C3orf49: variants seen among roughly 807,000 people sequenced by gnomAD.
The protein encoded by C3orf49 is putative uncharacterized protein C3orf49.
Under a neutral mutation model 13.3 loss-of-function variants are expected in C3orf49, and 27 were observed. That is an observed-to-expected ratio of 2.02 (90% CI 1.49 to 2.79). The LOEUF is 2.79. Among genes scored for constraint, C3orf49 ranks in the 30% most tolerant of loss-of-function variants. The probability of loss-of-function intolerance (pLI) is 0.00; values close to 1 mark genes in which losing one functional copy is unlikely to be tolerated. For missense variants in C3orf49, 242 were observed against 134.2 expected, an observed-to-expected ratio of 1.80 and a Z score of -3.97; for synonymous variants, 87 against 47.6, an observed-to-expected ratio of 1.83 and a Z score of -3.40.
upstream of C3orf49, among the ~76,000 whole-genome samples, chr3:63,818,822 T>C (rs1701354388): frequency 6.6e-6 from 1 of 152,200 alleles, no homozygotes. Context: ...GATCAGGTCC[T>C]CAATTTAGCA....
At chr3:63,798,582 C>G in the C3orf49 span, among the ~76,000 whole-genome samples, 1 of 151,938 alleles carries the variant, frequency 6.6e-6, no homozygotes, top group Non-Finnish European at 1.5e-5. Flanking sequence ...CATCATCAGG[C>G]CCCAAAACAG....
intron 5 of C3orf49, chr3:63,833,557 T>C (rs1701562902): frequency 6.6e-6 from 1 of 152,266 alleles, no homozygotes; most frequent in Non-Finnish European, 1.5e-5. Flanking sequence ...AGGAGAGATA[T>C]ATAAAGTAAT....
At chr3:63,843,260 A>T (rs1378473693) in intron 5 of C3orf49, among the ~76,000 whole-genome samples, 3 of 152,000 alleles carry the variant, frequency 2.0e-5, no homozygotes, top group Admixed American at 6.5e-5. Context: ...CTGGGATTAC[A>T]GGCATGTGCC....
At position 63,836,887 on chromosome 3, in the gene C3orf49, A is replaced by T. The variant is rs528146783; in HGVS notation, c.849+5043A>T. Among the ~76,000 whole-genome samples, 295 of 152,076 alleles carry T rather than the reference A, an allele frequency of 1.9e-3. 2 individuals are homozygous for T. The highest frequency in any genetic ancestry group is 5.8e-3 in the South Asian group (28 of 4,828). ...CAAGATAAGTCATGTAACTCCTGTT[A>T]AGCTTTCTTATGAAGTGATGAGTGG... On this transcript the variant is annotated intron_variant, in intron 5 of 6. Coordinates refer to ENST00000295896, the MANE Select transcript of C3orf49 (RefSeq NM_001355236.2).
At chr3:63,796,791 A>G in the C3orf49 span, among the ~76,000 whole-genome samples, 1 of 152,236 alleles carries the variant, frequency 6.6e-6, no homozygotes, top group East Asian at 1.9e-4. Context: ...ATCAACTAAA[A>G]GGAGAAATAC....
At chr3:63,785,640 T>TA in the C3orf49 span, among the ~76,000 whole-genome samples, 7 of 152,180 alleles carry the variant, frequency 4.6e-5, no homozygotes, top group African/African-American at 1.7e-4. Flanking sequence ...TTTTTAAAGA[T>TA]ACTGTATTAC....
the C3orf49 span, among the ~76,000 whole-genome samples, chr3:63,812,758 GTGA>G: frequency 6.6e-6 from 1 of 152,086 alleles, no homozygotes; most frequent in Non-Finnish European, 1.5e-5. Context: ...CAAAATTTTT[GTGA>G]TTCATTTCTA....
chr3:63,819,006 G>A (rs1287080684), upstream of C3orf49, among the ~76,000 whole-genome samples: 1 of 152,234 alleles, frequency 6.6e-6, no homozygotes, highest in Non-Finnish European at 1.5e-5. Flanking sequence ...GTGTTAATCA[G>A]CGTATCGTTG....
intron 5 of C3orf49, among the ~76,000 whole-genome samples, chr3:63,834,816 C>T (rs1274104048): frequency 1.3e-5 from 2 of 152,026 alleles, no homozygotes; most frequent in African/African-American, 4.8e-5. Context: ...TGCAAATGTT[C>T]GTATGTACTG....
chr3:63,830,114 C>T (rs1701513836), intron 3 of C3orf49, among the ~76,000 whole-genome samples: 1 of 152,140 alleles, frequency 6.6e-6, no homozygotes, highest in Non-Finnish European at 1.5e-5. Context: ...GGAGCTGCGC[C>T]AGGGTACTGC....
the C3orf49 span, among the ~76,000 whole-genome samples, chr3:63,791,705 C>A: frequency 6.6e-6 from 1 of 152,198 alleles, no homozygotes; most frequent in East Asian, 1.9e-4. Context: ...TAATATTCAC[C>A]ATGAATTGCC....
chr3:63,837,152 A>G (rs1329750634), intron 5 of C3orf49, among the ~76,000 whole-genome samples: 1 of 152,012 alleles, frequency 6.6e-6, no homozygotes, highest in Non-Finnish European at 1.5e-5. Context: ...TCAAAGTATG[A>G]TTCTTTTGGA....
intron 5 of C3orf49, among the ~76,000 whole-genome samples, chr3:63,841,058 C>T (rs1222003869): frequency 6.6e-6 from 1 of 152,284 alleles, no homozygotes; most frequent in South Asian, 2.1e-4. Flanking sequence ...AATGATGAAA[C>T]ATTCACATAA....
chr3:63,796,794 A>C, the C3orf49 span, among the ~76,000 whole-genome samples: 1 of 152,140 alleles, frequency 6.6e-6, no homozygotes, highest in Non-Finnish European at 1.5e-5. Flanking sequence ...AACTAAAAGG[A>C]GAAATACATA....
At chr3:63,817,113 C>T (rs189785239), upstream of C3orf49, among the ~76,000 whole-genome samples, 2 of 152,138 alleles carry the variant, frequency 1.3e-5, no homozygotes, top group East Asian at 3.9e-4. Context: ...GCTTCTTCCA[C>T]CTCCGGGCTT....
At chr3:63,811,578 A>AAC in the C3orf49 span, among the ~76,000 whole-genome samples, 3 of 149,280 alleles carry the variant, frequency 2.0e-5, no homozygotes, top group African/African-American at 7.4e-5. Flanking sequence ...AACAAAACAA[A>AAC]AAAAAAAACA....
At chr3:63,831,039 CTT>C in intron 3 of C3orf49, 69 bp from the exon 4 acceptor site, 1 of 664,780 alleles carries the variant, frequency 1.5e-6, no homozygotes, top group South Asian at 1.7e-5. Context: ...GGTGAGAACT[CTT>C]GTTTAAGCAC....
chr3:63,830,210 G>T (rs887678007), intron 3 of C3orf49, among the ~76,000 whole-genome samples: 6 of 152,168 alleles, frequency 3.9e-5, no homozygotes, highest in Non-Finnish European at 7.3e-5. Flanking sequence ...TACCATAGTT[G>T]TATTCAATAA....
chr3:63,798,871 C>G, the C3orf49 span, among the ~76,000 whole-genome samples: 1 of 151,998 alleles, frequency 6.6e-6, no homozygotes, highest in African/African-American at 2.4e-5. Context: ...AGTGTAGGGC[C>G]GGAACCAGAA....
Sources: gnomAD v4.1 joint callset for allele counts (sites outside exome capture counted in the v4.1 genomes callset) on GRCh38, gnomAD v4.1.1 for gene constraint, MANE v1.5 for transcripts, NCBI Gene and HGNC (gene_info 2026-07-23, HGNC 2026-07-21) for gene names.